Variants in CACNA1E observed in about 807,000 individuals in gnomAD.
CACNA1E encodes calcium voltage-gated channel subunit alpha1 E, also known as voltage-dependent R-type calcium channel subunit alpha-1E.
A neutral mutation model predicts 259.2 loss-of-function variants in CACNA1E; 40 were observed. The observed-to-expected ratio is 0.15, with a 90% CI of 0.12 to 0.20. The LOEUF (loss-of-function observed/expected upper bound fraction) is 0.20. Among genes scored for constraint, CACNA1E ranks in the 10% least tolerant of loss-of-function variants. CACNA1E has a pLI of 1.00. For missense variants in CACNA1E, 1,874 were observed against 3,040.1 expected, an observed-to-expected ratio of 0.62 and a Z score of 9.02; for synonymous variants, 1,104 against 1,138.5, an observed-to-expected ratio of 0.97 and a Z score of 0.61.
chr1:181,790,818 T>C (rs1410054002), intron 44 of CACNA1E, among the ~76,000 whole-genome samples: 1 of 152,196 alleles, frequency 6.6e-6, no homozygotes, highest in African/African-American at 2.4e-5. Flanking sequence ...CCTCTTAGTT[T>C]ATGCCCGAAT....
At chr1:181,444,382 G>GGAGAT (rs1297131929) in intron 2 of CACNA1E, among the ~76,000 whole-genome samples, 2 of 151,994 alleles carry the variant, frequency 1.3e-5, no homozygotes, top group Non-Finnish European at 2.9e-5. Flanking sequence ...AGATGGAGAA[G>GGAGAT]GAGAGGTAAA....
At chr1:181,382,397 G>T (rs1333874618) in intron 1 of CACNA1E, among the ~76,000 whole-genome samples, 1 of 152,186 alleles carries the variant, frequency 6.6e-6, no homozygotes. Flanking sequence ...GGCTGCAAGC[G>T]AACAAGTGCT....
intron 2 of CACNA1E, among the ~76,000 whole-genome samples, chr1:181,446,724 CT>C (rs1279685525): frequency 1.3e-5 from 2 of 152,110 alleles, no homozygotes; most frequent in African/African-American, 4.8e-5. Context: ...ATCTTGTTGT[CT>C]GGTTGTAGAG....
chr1:181,600,238 G>A (rs1653605741), intron 6 of CACNA1E, among the ~76,000 whole-genome samples: 1 of 152,192 alleles, frequency 6.6e-6, no homozygotes, highest in Non-Finnish European at 1.5e-5. Flanking sequence ...AGGCCAGGGA[G>A]GCTTGAGCAC....
intron 1 of CACNA1E, among the ~76,000 whole-genome samples, chr1:181,357,716 G>C (rs951575419): frequency 1.3e-5 from 2 of 152,086 alleles, no homozygotes; most frequent in East Asian, 3.9e-4. Context: ...GGTTTTTCTT[G>C]GGTTTCAAAG....
At chr1:181,517,053 G>A (rs780944708) in intron 3 of CACNA1E, among the ~76,000 whole-genome samples, 10 of 152,238 alleles carry the variant, frequency 6.6e-5, no homozygotes, top group Admixed American at 3.3e-4. Flanking sequence ...TTTGGTGTGG[G>A]TGGAATGGGG....
At chr1:181,438,011 A>G (rs1318612997) in intron 2 of CACNA1E, among the ~76,000 whole-genome samples, 4 of 152,152 alleles carry the variant, frequency 2.6e-5, no homozygotes, top group Non-Finnish European at 2.9e-5. Context: ...CCTCCAGTCT[A>G]TTCCTCCTCA....
chr1:181,764,436 T>A (rs1658855398), intron 34 of CACNA1E, among the ~76,000 whole-genome samples: 1 of 152,224 alleles, frequency 6.6e-6, no homozygotes, highest in African/African-American at 2.4e-5. Context: ...TATAGTTTAA[T>A]TAAAAATTAA....
In CACNA1E at chr1:181,804,648, C is replaced by T. The variant is rs1662503600; in HGVS notation, c.*5814C>T. On this transcript the variant is annotated 3_prime_UTR_variant, in exon 48 of 48. Coordinates refer to ENST00000367573, the MANE Select transcript of CACNA1E (RefSeq NM_001205293.3). ...GCAAGCATCTCTTCACTTTCTTTCCCTTGTCAATTGAAACATGAATGTTTG... is the reference window on the plus strand; with the variant it reads ...GCAAGCATCTCTTCACTTTCTTTCCTTTGTCAATTGAAACATGAATGTTTG... 6.6e-6 allele frequency: 1 copy of T among 152,084 alleles called. No homozygotes were observed. Among genetic ancestry groups the T allele is most frequent in the African/African-American group, 2.4e-5 (1 of 41,404 alleles). 9.4% of individuals were successfully genotyped at this position (152,084 alleles called of 1,614,324 possible).
chr1:181,787,406 T>G (rs1660937495), intron 43 of CACNA1E, among the ~76,000 whole-genome samples: 2 of 152,134 alleles, frequency 1.3e-5, no homozygotes. Context: ...TGTTTTTGTT[T>G]TGGCAGTCCT....
chr1:181,744,858 T>A (rs1656910816), intron 25 of CACNA1E, among the ~76,000 whole-genome samples: 1 of 152,198 alleles, frequency 6.6e-6, no homozygotes, highest in Non-Finnish European at 1.5e-5. Context: ...AAAATTAAAT[T>A]TAGCCGTCAA....
intron 1 of CACNA1E, among the ~76,000 whole-genome samples, chr1:181,368,961 C>T (rs938647513): frequency 7.2e-5 from 11 of 152,062 alleles, no homozygotes; most frequent in Admixed American, 3.9e-4. Flanking sequence ...ACTGGGCCCA[C>T]GGTAGATTCT....
intron 7 of CACNA1E, among the ~76,000 whole-genome samples, chr1:181,703,248 A>T (rs1652453989): frequency 6.6e-6 from 1 of 152,248 alleles, no homozygotes; most frequent in Non-Finnish European, 1.5e-5. Flanking sequence ...AAAAGTCAGT[A>T]ATATAACAGC....
intron 6 of CACNA1E, among the ~76,000 whole-genome samples, chr1:181,590,595 C>T (rs1652547541): frequency 6.6e-6 from 1 of 152,110 alleles, no homozygotes; most frequent in Non-Finnish European, 1.5e-5. Flanking sequence ...CCCTCAGCTT[C>T]TCCTAGTGCC....
At chr1:181,424,558 G>C (rs758039037) in intron 2 of CACNA1E, among the ~76,000 whole-genome samples, 3 of 152,250 alleles carry the variant, frequency 2.0e-5, no homozygotes, top group Non-Finnish European at 4.4e-5. Flanking sequence ...CCTGTACTGG[G>C]AAGGAGGGGG....
chr1:181,415,702 T>C (rs958535181), intron 2 of CACNA1E, among the ~76,000 whole-genome samples: 7 of 152,060 alleles, frequency 4.6e-5, no homozygotes, highest in Non-Finnish European at 1.0e-4. Context: ...AGTAGCCCAG[T>C]TGGAGTGGGT....
chr1:181,565,645 G>C (rs972308941), intron 3 of CACNA1E, among the ~76,000 whole-genome samples: 2 of 152,212 alleles, frequency 1.3e-5, no homozygotes, highest in African/African-American at 4.8e-5. Context: ...ATGAAGTATT[G>C]TTGTCAGAGG....
chr1:181,475,242 A>G (rs1203724566), intron 2 of CACNA1E, among the ~76,000 whole-genome samples: 1 of 152,252 alleles, frequency 6.6e-6, no homozygotes, highest in African/African-American at 2.4e-5. Context: ...AAAGAGAAAG[A>G]TATGTCCTCT....
Position 181,732,123 on chromosome 1 carries a change from G to T in CACNA1E, c.2298-261G>T, listed in dbSNP as rs1002168027. Among the ~76,000 whole-genome samples the T allele has an allele frequency of 6.6e-6, 1 of 151,996 alleles. No homozygotes were observed. The highest frequency in any genetic ancestry group is 1.5e-5 in the Non-Finnish European group (1 of 67,994). On this transcript the variant is annotated intron_variant, in intron 19 of 47. Coordinates refer to ENST00000367573, the MANE Select transcript of CACNA1E (RefSeq NM_001205293.3). The surrounding 1 kb of genome is among the most constrained non-coding windows in gnomAD (Gnocchi z 5.5). ...CCTGGGGACTTGGAACTCCTCCCAG[G>T]GTTGATGCCTACCCAGCCCTCAGCT...
Sources: allele counts gnomAD v4.1 joint callset (sites outside exome capture counted in the v4.1 genomes callset), GRCh38; gene constraint gnomAD v4.1.1; non-coding constraint Gnocchi (gnomAD v3.1); transcripts MANE v1.5; gene names NCBI Gene and HGNC (gene_info 2026-07-23, HGNC 2026-07-21).